The following MACROD2 variants were observed in gnomAD, a reference collection of about 807,000 sequenced individuals.
MACROD2 encodes ADP-ribose glycohydrolase MACROD2.
In MACROD2, 36 loss-of-function variants were observed where a neutral mutation model predicts 70.4. The ratio of observed to expected loss-of-function variants is 0.51; its 90% CI spans 0.39 to 0.68. The LOEUF is 0.68. Ranked by LOEUF, MACROD2 falls within the 30% of genes least tolerant of loss-of-function variation. The pLI is 0.00. For synonymous variants in MACROD2, 172 were observed against 178.8 expected, an observed-to-expected ratio of 0.96 and a Z score of 0.30; for missense variants, 496 against 538.4, an observed-to-expected ratio of 0.92 and a Z score of 0.78.
chr20:15,465,596 C>G (rs2046875951), intron 7 of MACROD2, among the ~76,000 whole-genome samples: 1 of 152,270 alleles, frequency 6.6e-6, no homozygotes, highest in Admixed American at 6.5e-5. Context: ...CAGGGCTATC[C>G]ATAGTCCACA....
intron 8 of MACROD2, among the ~76,000 whole-genome samples, chr20:15,640,423 G>A (rs117165292): frequency 2.1e-3 from 317 of 152,264 alleles, no homozygotes; most frequent in African/African-American, 7.4e-3. Context: ...GGGGCCAAAC[G>A]TGATGCTTGG....
intron 5 of MACROD2, among the ~76,000 whole-genome samples, chr20:14,775,729 T>C (rs894251167): frequency 5.9e-5 from 9 of 151,974 alleles, no homozygotes; most frequent in African/African-American, 1.9e-4. Flanking sequence ...CTAGAGACCA[T>C]TCATGTAAGT....
intron 5 of MACROD2, among the ~76,000 whole-genome samples, chr20:15,109,737 C>T (rs745838974): frequency 6.6e-6 from 1 of 152,118 alleles, no homozygotes; most frequent in African/African-American, 2.4e-5. Flanking sequence ...CTGTTGAATG[C>T]GCTCAGGAAC....
At chr20:14,691,312 A>G (rs1338206637) in intron 5 of MACROD2, among the ~76,000 whole-genome samples, 1 of 152,222 alleles carries the variant, frequency 6.6e-6, no homozygotes, top group African/African-American at 2.4e-5. Context: ...ATCAAAGTTG[A>G]TAAAGTTGAG....
intron 8 of MACROD2, among the ~76,000 whole-genome samples, chr20:15,600,200 C>T (rs992245184): frequency 6.6e-6 from 1 of 152,162 alleles, no homozygotes; most frequent in African/African-American, 2.4e-5. Context: ...CTAGGTGACA[C>T]TGCTGCTGTG....
intron 3 of MACROD2, among the ~76,000 whole-genome samples, chr20:14,426,704 A>G (rs755556266): frequency 6.6e-6 from 1 of 152,160 alleles, no homozygotes; most frequent in Non-Finnish European, 1.5e-5. Flanking sequence ...CAGATATCCC[A>G]GAGAAGGATC....
chr20:15,587,671 G>A (rs1297563727), intron 8 of MACROD2, among the ~76,000 whole-genome samples: 2 of 152,122 alleles, frequency 1.3e-5, no homozygotes, highest in Admixed American at 6.5e-5. Flanking sequence ...GGGATACAGG[G>A]CCCATGCAAG....
intron 5 of MACROD2, among the ~76,000 whole-genome samples, chr20:14,941,929 G>A (rs945105372): frequency 1.3e-5 from 2 of 151,148 alleles, no homozygotes; most frequent in Non-Finnish European, 2.9e-5. Flanking sequence ...GACCACTGAC[G>A]TGTGCCACCA....
At chr20:15,419,109 G>A (rs1243592011) in intron 6 of MACROD2, among the ~76,000 whole-genome samples, 1 of 152,134 alleles carries the variant, frequency 6.6e-6, no homozygotes, top group Non-Finnish European at 1.5e-5. Context: ...AAACACAACA[G>A]GTGAAATGTG....
chr20:14,067,983 A>G (rs2148659390), intron 2 of MACROD2, among the ~76,000 whole-genome samples: 1 of 152,340 alleles, frequency 6.6e-6, no homozygotes, highest in African/African-American at 2.4e-5. Context: ...CATTCAAAAT[A>G]TTAACATAGA....
intron 3 of MACROD2, among the ~76,000 whole-genome samples, chr20:14,205,397 G>A (rs2081514656): frequency 6.6e-6 from 1 of 152,180 alleles, no homozygotes; most frequent in African/African-American, 2.4e-5. Context: ...AGCCGAAAGA[G>A]GAGTTCTGAA....
chr20:15,550,744 G>A (rs577983945), intron 8 of MACROD2, among the ~76,000 whole-genome samples: 2 of 152,250 alleles, frequency 1.3e-5, no homozygotes, highest in African/African-American at 4.8e-5. Flanking sequence ...TGCCGGGGTA[G>A]CACAACAGGC....
intron 4 of MACROD2, among the ~76,000 whole-genome samples, chr20:14,574,322 T>C (rs1461938669): frequency 6.6e-6 from 1 of 152,190 alleles, no homozygotes; most frequent in Non-Finnish European, 1.5e-5. Flanking sequence ...TCTTGTTCTA[T>C]TGAACCTTAC....
chr20:14,426,536 T>G (rs767110071), intron 3 of MACROD2, among the ~76,000 whole-genome samples: 7 of 152,190 alleles, frequency 4.6e-5, no homozygotes, highest in Non-Finnish European at 8.8e-5. Context: ...AGTCTTTTGC[T>G]TATCCACTGA....
intron 3 of MACROD2, among the ~76,000 whole-genome samples, chr20:14,099,308 G>T (rs939377821): frequency 1.4e-4 from 21 of 151,512 alleles, no homozygotes; most frequent in African/African-American, 5.1e-4. Context: ...AATGTTACCA[G>T]TACCCCAGAA....
In MACROD2 at chr20:14,977,462, T is replaced by TACACACACACAC. The variant is rs3045702; in HGVS notation, c.419-252450_419-252439dup. On this transcript the variant is annotated intron_variant, in intron 5 of 17. Coordinates refer to ENST00000684519, the MANE Select transcript of MACROD2 (RefSeq NM_001351661.2). ...AAATTTAAAAAATAAAAGAAAAAGA[T>TACACACACACAC]ACACACACACACACACACACACACA... is the stretch of plus-strand genomic sequence containing the variant. Among the ~76,000 whole-genome samples the TACACACACACAC allele has an allele frequency of 2.7e-3, 370 of 135,082 alleles. 2 individuals are homozygous for TACACACACACAC. The highest frequency in any genetic ancestry group is 9.3e-3 in the African/African-American group (334 of 35,814). 88.6% of individuals were successfully genotyped at this position (135,082 alleles called of 152,430 possible).
At chr20:15,186,710 A>C (rs1460434124) in intron 5 of MACROD2, among the ~76,000 whole-genome samples, 2 of 152,206 alleles carry the variant, frequency 1.3e-5, no homozygotes, top group African/African-American at 4.8e-5. Context: ...ACTGAAATTT[A>C]TATGTCCTTC....
At chr20:14,734,517 C>CA (rs202008692) in intron 5 of MACROD2, among the ~76,000 whole-genome samples, 1,595 of 124,254 alleles carry the variant, frequency 0.013, 22 homozygotes, top group African/African-American at 0.042. Context: ...AACAAAAAAA[C>CA]AAAAAAAACA....
chr20:14,464,000 T>G (rs1246831476), intron 3 of MACROD2, among the ~76,000 whole-genome samples: 3 of 152,040 alleles, frequency 2.0e-5, no homozygotes, highest in East Asian at 3.9e-4. Flanking sequence ...ATTCTCTTTT[T>G]TTGTTGTGTC....
Sources: allele counts gnomAD v4.1 joint callset (sites outside exome capture counted in the v4.1 genomes callset), GRCh38; gene constraint gnomAD v4.1.1; transcripts MANE v1.5; gene names NCBI Gene and HGNC (gene_info 2026-07-23, HGNC 2026-07-21).